The following CACNA1C variants were observed in gnomAD, a reference collection of about 807,000 sequenced individuals.
CACNA1C encodes the protein voltage-dependent L-type calcium channel subunit alpha-1C.
Under a neutral mutation model 229.0 loss-of-function variants are expected in CACNA1C, and 30 were observed. That is an observed-to-expected ratio of 0.13 (90% CI 0.10 to 0.18). The LOEUF is 0.18. Among genes scored for constraint, CACNA1C ranks in the 10% least tolerant of loss-of-function variants. The pLI, the probability that CACNA1C is intolerant of heterozygous loss-of-function variation, is 1.00. For missense variants in CACNA1C, 1,658 were observed against 2,845.0 expected (o/e 0.58, Z 9.49); for synonymous variants, 1,114 against 1,132.5 (o/e 0.98, Z 0.33).
At chr12:2,351,601 G>A (rs1292485613) in intron 3 of CACNA1C, among the ~76,000 whole-genome samples, 1 of 152,218 alleles carries the variant, frequency 6.6e-6, no homozygotes, top group Non-Finnish European at 1.5e-5. Flanking sequence ...GGGCGTGGCT[G>A]GCAGTGGAGG....
At chr12:2,458,533 C>T (rs2099462025) in intron 5 of CACNA1C, among the ~76,000 whole-genome samples, 2 of 152,218 alleles carry the variant, frequency 1.3e-5, no homozygotes, top group Admixed American at 1.3e-4. Flanking sequence ...GAGAACAATT[C>T]TGGACTCATT....
At chr12:2,475,726 A>G (rs1423377081) in intron 5 of CACNA1C, among the ~76,000 whole-genome samples, 1 of 150,262 alleles carries the variant, frequency 6.7e-6, no homozygotes. Flanking sequence ...ACAGAATATC[A>G]GGGAATAAGT....
chr12:2,213,875 G>A (rs756947170), intron 3 of CACNA1C, among the ~76,000 whole-genome samples: 3 of 152,206 alleles, frequency 2.0e-5, no homozygotes, highest in Admixed American at 2.0e-4. Context: ...ATTTTTAAGC[G>A]GTAGCTGTAG....
chr12:2,069,507 C>T (rs911875893), intron 1 of CACNA1C, among the ~76,000 whole-genome samples: 2 of 152,070 alleles, frequency 1.3e-5, no homozygotes, highest in African/African-American at 2.4e-5. Context: ...AGCTTGTAAC[C>T]CCTGAAAGAC....
At chr12:2,124,528 T>TGAG (rs1240216656) in intron 3 of CACNA1C, among the ~76,000 whole-genome samples, 3 of 152,090 alleles carry the variant, frequency 2.0e-5, no homozygotes, top group South Asian at 2.1e-4. Flanking sequence ...TAACTGCAGG[T>TGAG]GAGGAGGAGG....
At chr12:2,074,485 A>T (rs1404858753) in intron 1 of CACNA1C, among the ~76,000 whole-genome samples, 1 of 152,128 alleles carries the variant, frequency 6.6e-6, no homozygotes, top group African/African-American at 2.4e-5. Context: ...GGCAAGTCTG[A>T]GCAGGTGCAG....
At chr12:2,582,200 C>T (rs1401437717) in intron 14 of CACNA1C, among the ~76,000 whole-genome samples, 2 of 151,848 alleles carry the variant, frequency 1.3e-5, no homozygotes, top group Non-Finnish European at 2.9e-5. Context: ...TCCATGAAAG[C>T]CCAAAACATA....
chr12:2,384,216 G>T (rs572405835), intron 3 of CACNA1C, among the ~76,000 whole-genome samples: 1 of 152,200 alleles, frequency 6.6e-6, no homozygotes, highest in South Asian at 2.1e-4. Flanking sequence ...GGAGAATCGC[G>T]GGTTACTGTA....
rs376429296 is a variant in CACNA1C, at chr12:2,625,959, AAAAAT to A, written c.3829-8323_3829-8319del. On this transcript the variant is annotated intron_variant, in intron 29 of 46. Transcript: ENST00000399655. ...GATGACAGAGTTAAACCCTGTCTCTAAAAATAAAATAAAATAAAAACCCTACAAGG... is the reference window on the plus strand; with the variant it reads ...GATGACAGAGTTAAACCCTGTCTCTAAAAATAAAATAAAAACCCTACAAGG... Among the ~76,000 whole-genome samples, 775 of 152,250 alleles carry A rather than the reference AAAAAT, an allele frequency of 5.1e-3. 5 individuals are homozygous for A. The highest frequency in any genetic ancestry group is 0.017 in the African/African-American group (687 of 41,528).
At chr12:2,197,945 C>T (rs1044260196) in intron 3 of CACNA1C, among the ~76,000 whole-genome samples, 1 of 152,158 alleles carries the variant, frequency 6.6e-6, no homozygotes, top group Non-Finnish European at 1.5e-5. Context: ...TCATTTGGAA[C>T]GCTTTCTTGA....
chr12:2,668,715 C>G, intron 37 of CACNA1C: 1 of 546,062 alleles, frequency 1.8e-6, no homozygotes, highest in African/African-American at 1.9e-5. Flanking sequence ...CTCATGAGTA[C>G]TCACTCACCA....
intron 8 of CACNA1C, among the ~76,000 whole-genome samples, chr12:2,508,756 T>C (rs2099777183): frequency 6.6e-6 from 1 of 152,238 alleles, no homozygotes; most frequent in African/African-American, 2.4e-5. Flanking sequence ...AGAACACCTA[T>C]TTCTGATGAG....
intron 7 of CACNA1C, among the ~76,000 whole-genome samples, chr12:2,500,512 G>A (rs549718713): frequency 2.8e-4 from 42 of 152,316 alleles, no homozygotes; most frequent in African/African-American, 6.0e-4. Flanking sequence ...TTGCCTGGGC[G>A]CCATCGAGCC....
intron 34 of CACNA1C, among the ~76,000 whole-genome samples, chr12:2,656,214 T>C (rs1036043074): frequency 1.3e-5 from 2 of 152,178 alleles, no homozygotes; most frequent in Non-Finnish European, 2.9e-5. Flanking sequence ...CCAAAATCTA[T>C]TACAACTGAT....
At chr12:2,562,878 G>A (rs534860774) in intron 11 of CACNA1C, among the ~76,000 whole-genome samples, 9 of 152,278 alleles carry the variant, frequency 5.9e-5, no homozygotes, top group East Asian at 3.9e-4. Context: ...TTTGTATTAC[G>A]AACATTCCAA....
At chr12:1,972,305 T>C (rs2032635112) in intron 1 of CACNA1C, among the ~76,000 whole-genome samples, 1 of 152,228 alleles carries the variant, frequency 6.6e-6, no homozygotes, top group African/African-American at 2.4e-5. Context: ...TCTAATCATA[T>C]ATTTGTGTAA....
At chr12:2,500,932 G>C (rs1033604409) in intron 7 of CACNA1C, among the ~76,000 whole-genome samples, 2 of 152,052 alleles carry the variant, frequency 1.3e-5, no homozygotes, top group Admixed American at 6.5e-5. Flanking sequence ...GCAGGCCGGG[G>C]GCAGTGGCTC....
chr12:2,243,718 G>A (rs979644404), intron 3 of CACNA1C, among the ~76,000 whole-genome samples: 9 of 152,218 alleles, frequency 5.9e-5, no homozygotes, highest in African/African-American at 4.8e-5. Flanking sequence ...GTGCTCAAGT[G>A]CAATGTGTAG....
rs116161853 is a variant in CACNA1C at position 2,655,506 on chromosome 12, G to A, written c.4232+268G>A. On this transcript the variant is annotated intron_variant, in intron 34 of 46. Coordinates refer to ENST00000399655, the MANE Select transcript of CACNA1C (RefSeq NM_000719.7). ...AAAGTCACATGCTAAAAGCAGCCTGGCTTGGAATCTGAACAGGCCCAAAGC... is the reference window on the plus strand; with the variant it reads ...AAAGTCACATGCTAAAAGCAGCCTGACTTGGAATCTGAACAGGCCCAAAGC... Among the ~76,000 whole-genome samples the A allele has an allele frequency of 0.014, 2,061 of 152,302 alleles. 60 individuals are homozygous for A. The highest frequency in any genetic ancestry group is 0.048 in the African/African-American group (1,978 of 41,550).
Sources: gnomAD v4.1 joint callset for allele counts (sites outside exome capture counted in the v4.1 genomes callset) on GRCh38, gnomAD v4.1.1 for gene constraint, MANE v1.5 for transcripts, NCBI Gene and HGNC (gene_info 2026-07-23, HGNC 2026-07-21) for gene names.